CASD1: variants seen among roughly 807,000 people sequenced by gnomAD.
The protein encoded by CASD1 is CAS1 domain sialic acid O acetyltransferase 1, also known as N-acetylneuraminate (7)9-O-acetyltransferase.
Under a neutral mutation model 100.0 loss-of-function variants are expected in CASD1, and 41 were observed. That is an observed-to-expected ratio of 0.41 (90% CI 0.32 to 0.53). The LOEUF is 0.53. Ranked by LOEUF, CASD1 falls within the 20% of genes least tolerant of loss-of-function variation. The pLI is 0.25. For synonymous variants in CASD1, 321 were observed against 315.6 expected (o/e 1.02, Z -0.18); for missense variants, 774 against 948.7 (o/e 0.82, Z 2.42).
intron 9 of CASD1, 121 bp from the exon 10 acceptor site, chr7:94,538,846 G>A (rs928526561): frequency 6.5e-6 from 3 of 459,866 alleles, no homozygotes; most frequent in Non-Finnish European, 1.1e-5. Context: ...CACCATCAAG[G>A]TTCTTTTGAC....
At chr7:94,598,476 T>C in the CASD1 span, 1 of 332,378 alleles carries the variant, frequency 3.0e-6, no homozygotes, top group Non-Finnish European at 5.6e-6. Flanking sequence ...TTCTTTTTTT[T>C]ATAATTAACT....
intron 10 of CASD1, 74 bp downstream of exon 10, chr7:94,539,130 T>A: frequency 1.3e-6 from 1 of 767,314 alleles, no homozygotes; most frequent in South Asian, 1.8e-5. Context: ...GGGCACCAGC[T>A]TTTTTGTGTT....
chr7:94,531,540 A>C (rs1231472041), intron 5 of CASD1, among the ~76,000 whole-genome samples: 2 of 152,150 alleles, frequency 1.3e-5, no homozygotes, highest in African/African-American at 4.8e-5. Context: ...GGAATGAGAA[A>C]GCCACCTAGG....
intron 3 of CASD1, among the ~76,000 whole-genome samples, chr7:94,520,108 A>G (rs550172218): frequency 6.6e-6 from 1 of 152,330 alleles, no homozygotes; most frequent in East Asian, 1.9e-4. Flanking sequence ...GGAAACAAAG[A>G]TAGTGTGCCC....
At chr7:94,525,661 G>A (rs1794527198) in intron 3 of CASD1, among the ~76,000 whole-genome samples, 1 of 152,162 alleles carries the variant, frequency 6.6e-6, no homozygotes, top group Admixed American at 6.5e-5. Context: ...GTGGTAGAAG[G>A]AGGAAAACAC....
chr7:94,512,077 G>C (rs1238578174), intron 1 of CASD1, among the ~76,000 whole-genome samples: 2 of 152,192 alleles, frequency 1.3e-5, no homozygotes, highest in Non-Finnish European at 2.9e-5. Flanking sequence ...TCATGCTTTG[G>C]CAGTATCAAA....
chr7:94,520,267 A>C (rs1275332296), intron 3 of CASD1, among the ~76,000 whole-genome samples: 1 of 152,226 alleles, frequency 6.6e-6, no homozygotes, highest in Non-Finnish European at 1.5e-5. Context: ...TCTTGTCCCT[A>C]GCATAATCTG....
At chr7:94,532,573 T>A (rs958474467) in intron 5 of CASD1, among the ~76,000 whole-genome samples, 1 of 152,220 alleles carries the variant, frequency 6.6e-6, no homozygotes, top group Non-Finnish European at 1.5e-5. Flanking sequence ...ATTATTTATT[T>A]CTGGAAGTTT....
chr7:94,587,040 G>A, the CASD1 span: 1 of 984,454 alleles, frequency 1.0e-6, no homozygotes, highest in African/African-American at 1.7e-5. Context: ...TAACTAAAAA[G>A]GAGAGCAAAG....
chr7:94,633,276 G>A, the CASD1 span, among the ~76,000 whole-genome samples: 3 of 151,972 alleles, frequency 2.0e-5, no homozygotes, highest in East Asian at 1.9e-4. Context: ...AGTCCAACCC[G>A]CAAGAGGTCA....
intron 3 of CASD1, among the ~76,000 whole-genome samples, chr7:94,523,474 A>G (rs1794393662): frequency 6.6e-6 from 1 of 152,222 alleles, no homozygotes; most frequent in Non-Finnish European, 1.5e-5. Flanking sequence ...GGCAACAGCT[A>G]TATGTTACAT....
the CASD1 span, chr7:94,624,108 G>A: frequency 7.6e-6 from 3 of 394,446 alleles, no homozygotes; most frequent in Non-Finnish European, 1.3e-5. Flanking sequence ...AAAACTTAAG[G>A]CCTATTTAAC....
chr7:94,549,406 C>T, intron 13 of CASD1, 127 bp from the exon 14 acceptor site: 1 of 464,776 alleles, frequency 2.2e-6, no homozygotes, highest in Non-Finnish European at 3.7e-6. Context: ...TGAAATAAAA[C>T]AGAATTTTAA....
the CASD1 span, among the ~76,000 whole-genome samples, chr7:94,631,958 C>T: frequency 3.3e-5 from 5 of 151,902 alleles, no homozygotes; most frequent in South Asian, 4.2e-4. Flanking sequence ...GCTATTTTCT[C>T]GGCAGCTAGA....
the CASD1 span, chr7:94,626,191 T>C: frequency 6.6e-6 from 1 of 152,112 alleles, no homozygotes; most frequent in Non-Finnish European, 1.5e-5. Flanking sequence ...GTCAGCTATA[T>C]GTGTTGAAAA....
chr7:94,593,377 C>T, the CASD1 span, among the ~76,000 whole-genome samples: 4 of 151,732 alleles, frequency 2.6e-5, no homozygotes, highest in Admixed American at 1.3e-4. Flanking sequence ...ACCTAAGGGG[C>T]CTCATGAAGA....
At chr7:94,603,278 A>C in the CASD1 span, 1 of 1,607,716 alleles carries the variant, frequency 6.2e-7, no homozygotes, top group African/African-American at 1.3e-5. Context: ...CAAAAACAAA[A>C]TAAAAACTTA....
At chr7:94,600,650 C>T in the CASD1 span, 42 of 1,611,698 alleles carry the variant, frequency 2.6e-5, 1 homozygote, top group South Asian at 4.5e-4. Flanking sequence ...ACTCACACGC[C>T]TTCCCGTCGG....
intron 3 of CASD1, among the ~76,000 whole-genome samples, chr7:94,526,208 G>C (rs1794556543): frequency 6.6e-6 from 1 of 152,194 alleles, no homozygotes; most frequent in South Asian, 2.1e-4. Flanking sequence ...TTCTTGCTTA[G>C]CGTTGCATGT....
Sources: allele counts gnomAD v4.1 joint callset (sites outside exome capture counted in the v4.1 genomes callset), GRCh38; gene constraint gnomAD v4.1.1; transcripts MANE v1.5; gene names NCBI Gene and HGNC (gene_info 2026-07-23, HGNC 2026-07-21).